FAM186A: variants seen among roughly 807,000 people sequenced by gnomAD.
FAM186A encodes the protein protein FAM186A.
A neutral mutation model predicts 216.8 loss-of-function variants in FAM186A; 163 were observed. That is an observed-to-expected ratio of 0.75 (90% confidence interval 0.66 to 0.86). The LOEUF (loss-of-function observed/expected upper bound fraction) is 0.86, where lower values mean the gene tolerates loss of function less well. Ranked by LOEUF, FAM186A falls within the 40% of genes least tolerant of loss-of-function variation. FAM186A has a pLI of 0.00. For missense variants in FAM186A, 2,184 were observed against 2,746.2 expected (o/e 0.80, Z 4.58); for synonymous variants, 805 against 1,025.3 (o/e 0.79, Z 4.10).
In FAM186A at chr12:50,356,217, T is replaced by G; in HGVS notation, c.615A>C (p.Lys205Asn). 1 of 1,550,000 alleles carries G rather than the reference T, an allele frequency of 6.5e-7. No individual in the cohort carries two copies. Among genetic ancestry groups the G allele is most frequent in the Non-Finnish European group, 8.7e-7 (1 of 1,146,588 alleles). ...TTGAAGGTCGTTTTATAACTCTTTCTTTCCAAGATTTCCATAGAGTACCTC... is the reference window on the plus strand; with the variant it reads ...TTGAAGGTCGTTTTATAACTCTTTCGTTCCAAGATTTCCATAGAGTACCTC... ...LSRGTLWKSW[K>N]ERVIKRPSTA... The change falls in exon 4 of 8, where the codon AAA becomes AAC. Residue 205 changes from lysine (K) to asparagine (N), a missense_variant. By Grantham distance (94) the Lys-to-Asn change is moderately conservative (BLOSUM62 0). Transcript: ENST00000327337.
intron 1 of FAM186A, among the ~76,000 whole-genome samples, chr12:50,377,988 G>A (rs1943214492): frequency 6.6e-6 from 1 of 152,040 alleles, no homozygotes; most frequent in Admixed American, 6.6e-5. Flanking sequence ...CACTTTGGGC[G>A]GCCAAGGCAG....
chr12:50,372,912 A>G (rs1351411575), intron 1 of FAM186A, among the ~76,000 whole-genome samples: 1 of 148,388 alleles, frequency 6.7e-6, no homozygotes, highest in Admixed American at 6.8e-5. Context: ...TAAAAAAAAA[A>G]AAAAAGAAAA....
chr12:50,387,032 G>A (rs761520090), intron 1 of FAM186A, among the ~76,000 whole-genome samples: 5 of 151,850 alleles, frequency 3.3e-5, no homozygotes, highest in Admixed American at 6.6e-5. Context: ...ATGTGGGGTC[G>A]GAGGAGCAGA....
In FAM186A at chr12:50,352,684, A is replaced by AGG. The variant is rs1221713092; in HGVS notation, c.4147_4148insCC (p.Leu1383ProfsTer150). The AGG allele has an allele frequency of 6.6e-7, 1 of 1,516,886 alleles. No individual in the cohort carries two copies. 94.0% of individuals were successfully genotyped at this position (1,516,886 alleles called of 1,614,324 possible). On this transcript the variant is annotated frameshift_variant, in exon 4 of 8. Coordinates refer to ENST00000327337, the MANE Select transcript of FAM186A (RefSeq NM_001145475.3). LOFTEE classifies it high-confidence loss of function. ...CTGCTGAGGGGTGAGAGGGATCCCC[A>AGG]GTTCCTGAGCCTGCTGAGTGGTGAG...
At chr12:50,369,046 TATATC>T (rs1943116998) in intron 1 of FAM186A, among the ~76,000 whole-genome samples, 1 of 151,050 alleles carries the variant, frequency 6.6e-6, no homozygotes, top group African/African-American at 2.4e-5. Context: ...ATCCTTATCT[TATATC>T]ATATAAAAAA....
chr12:50,372,213 A>G (rs865850656), intron 1 of FAM186A, among the ~76,000 whole-genome samples: 6 of 152,206 alleles, frequency 3.9e-5, no homozygotes, highest in African/African-American at 1.4e-4. Context: ...AATCTAACTT[A>G]AGTCAAGAAC....
intron 1 of FAM186A, among the ~76,000 whole-genome samples, chr12:50,375,740 G>T (rs573046727): frequency 7.3e-5 from 11 of 149,944 alleles, no homozygotes; most frequent in Non-Finnish European, 1.0e-4. Context: ...AAAAGAAAAA[G>T]AAAAAGAAAT....
chr12:50,371,263 G>A (rs555812696), intron 1 of FAM186A, among the ~76,000 whole-genome samples: 9 of 151,426 alleles, frequency 5.9e-5, no homozygotes, highest in African/African-American at 1.9e-4. Context: ...GGTTACAGGC[G>A]CCTGCCTCCA....
intron 1 of FAM186A, among the ~76,000 whole-genome samples, chr12:50,392,991 A>G (rs191729172): frequency 1.4e-5 from 2 of 142,126 alleles, no homozygotes; most frequent in African/African-American, 5.3e-5. Flanking sequence ...CGGTGGCGCA[A>G]TCTTGGCTCA....
In FAM186A at chr12:50,372,994, G is replaced by GGAAGGAAGGAAAGAAAGAAA. The variant is rs1491450637; in HGVS notation, c.193-9631_193-9630insTTTCTTTCTTTCCTTCCTTC. On this transcript the variant is annotated intron_variant, in intron 1 of 7. Transcript: ENST00000327337. ...AGGGACGGAGGGAGGAAGGAAGGAA[G>GGAAGGAAGGAAAGAAAGAAA]GAATGAAAGAAAGAAAGAAAGAAAG... Among the ~76,000 whole-genome samples, 15 of 59,514 alleles carry GGAAGGAAGGAAAGAAAGAAA rather than the reference G, an allele frequency of 2.5e-4. 1 individual carries two copies. The highest frequency in any genetic ancestry group is 6.2e-4 in the Admixed American group (3 of 4,810). 39.0% of individuals were successfully genotyped at this position (59,514 alleles called of 152,430 possible). A position where few individuals can be genotyped will look rare whatever the true frequency, so the allele number is the denominator to read the frequency against.
chr12:50,334,866 A>G (rs1414054833), intron 4 of FAM186A, among the ~76,000 whole-genome samples: 2 of 152,334 alleles, frequency 1.3e-5, no homozygotes, highest in African/African-American at 4.8e-5. Flanking sequence ...TCCAGTTCCT[A>G]TGAATGAACC....
At chr12:50,327,927 G>T (rs1166544619) in intron 7 of FAM186A, among the ~76,000 whole-genome samples, 1 of 152,108 alleles carries the variant, frequency 6.6e-6, no homozygotes, top group African/African-American at 2.4e-5. Context: ...CTTGGCAATA[G>T]CTTATTGCTT....
chr12:50,395,286 C>T (rs891392611), intron 1 of FAM186A, among the ~76,000 whole-genome samples: 2 of 150,930 alleles, frequency 1.3e-5, no homozygotes, highest in African/African-American at 2.4e-5. Flanking sequence ...AGGAGGTCTC[C>T]TTATGTTGGC....
At chr12:50,331,022 T>C (rs552223845) in intron 6 of FAM186A, among the ~76,000 whole-genome samples, 7 of 152,112 alleles carry the variant, frequency 4.6e-5, no homozygotes, top group Non-Finnish European at 1.0e-4. Flanking sequence ...AGAGACCACA[T>C]AACTTGCCCC....
intron 1 of FAM186A, among the ~76,000 whole-genome samples, chr12:50,376,174 C>G (rs1308791839): frequency 6.6e-6 from 1 of 152,194 alleles, no homozygotes; most frequent in African/African-American, 2.4e-5. Flanking sequence ...AGAAGGATCA[C>G]CACTTTTCAC....
chr12:50,375,084 A>G (rs1252506211), intron 1 of FAM186A, among the ~76,000 whole-genome samples: 2 of 152,158 alleles, frequency 1.3e-5, no homozygotes, highest in Non-Finnish European at 2.9e-5. Flanking sequence ...AGGCTGAGGC[A>G]TGAGAATCGC....
chr12:50,365,199 C>A (rs1321343482), intron 1 of FAM186A, among the ~76,000 whole-genome samples: 2 of 152,088 alleles, frequency 1.3e-5, no homozygotes, highest in Non-Finnish European at 2.9e-5. Context: ...ATACCAACAG[C>A]AATGCACTAG....
At chr12:50,357,786 G>A (rs1942993570) in intron 3 of FAM186A, among the ~76,000 whole-genome samples, 1 of 152,098 alleles carries the variant, frequency 6.6e-6, no homozygotes, top group African/African-American at 2.4e-5. Context: ...CCAGAGTGAG[G>A]CAGGCTGTGG....
chr12:50,355,593 T>C lies in FAM186A; in HGVS notation c.1239A>G (p.Arg413=). ...GTCGTAGTTCAGTTAAATCTGGAGTTCTTTCAGCTTGGGCTGTATATGAAA... is the reference window on the plus strand; with the variant it reads ...GTCGTAGTTCAGTTAAATCTGGAGTCCTTTCAGCTTGGGCTGTATATGAAA... The part of the protein sequence containing the change: ...STISYTAQAE[R]TPDLTELRQQ... Residue 413 remains arginine (R), a synonymous_variant, in exon 4 of 8, where the codon AGA becomes AGG. Coordinates refer to ENST00000327337, the MANE Select transcript of FAM186A (RefSeq NM_001145475.3). 2 of 1,551,674 alleles carry C rather than the reference T, an allele frequency of 1.3e-6. No individual in the cohort carries two copies. The highest frequency in any genetic ancestry group is 1.7e-6 in the Non-Finnish European group (2 of 1,146,984).
Sources: allele counts gnomAD v4.1 joint callset (sites outside exome capture counted in the v4.1 genomes callset), GRCh38; gene constraint gnomAD v4.1.1; transcripts MANE v1.5; gene names NCBI Gene and HGNC (gene_info 2026-07-23, HGNC 2026-07-21).